The following CNTNAP5 variants were observed in gnomAD, a reference collection of about 807,000 sequenced individuals.
The protein encoded by CNTNAP5 is contactin associated protein family member 5.
A neutral mutation model predicts 150.2 loss-of-function variants in CNTNAP5; 72 were observed. That is an observed-to-expected ratio of 0.48 (90% CI 0.40 to 0.58). The LOEUF (loss-of-function observed/expected upper bound fraction) is 0.58. Ranked by LOEUF, CNTNAP5 falls within the 20% of genes least tolerant of loss-of-function variation. The probability of loss-of-function intolerance (pLI) is 0.00; values close to 1 mark genes in which losing one functional copy is unlikely to be tolerated. For missense variants in CNTNAP5, 1,636 were observed against 1,626.2 expected (o/e 1.01, Z -0.10); for synonymous variants, 672 against 619.8 (o/e 1.08, Z -1.25).
intron 11 of CNTNAP5, among the ~76,000 whole-genome samples, chr2:124,605,115 T>C (rs1262594681): frequency 6.6e-6 from 1 of 152,100 alleles, no homozygotes; most frequent in Non-Finnish European, 1.5e-5. Flanking sequence ...CCTGCTACAG[T>C]GTGAGAGGCC....
chr2:124,188,278 T>C (rs887059806), intron 1 of CNTNAP5, among the ~76,000 whole-genome samples: 1 of 152,240 alleles, frequency 6.6e-6, no homozygotes, highest in African/African-American at 2.4e-5. Flanking sequence ...ACAAGGTTTA[T>C]GAATCAGCTA....
intron 13 of CNTNAP5, 29 bp downstream of exon 13, chr2:124,647,987 G>A: frequency 6.4e-7 from 1 of 1,555,550 alleles, no homozygotes; most frequent in African/African-American, 1.4e-5. Flanking sequence ...TGACCACAGT[G>A]GGATAGATGG....
At chr2:124,849,761 G>A (rs1683118366) in intron 19 of CNTNAP5, among the ~76,000 whole-genome samples, 1 of 152,130 alleles carries the variant, frequency 6.6e-6, no homozygotes, top group Admixed American at 6.6e-5. Context: ...ATGGTTCCAG[G>A]ACAAGTTCTT....
intron 14 of CNTNAP5, among the ~76,000 whole-genome samples, chr2:124,749,471 C>T (rs2105147749): frequency 6.6e-6 from 1 of 151,976 alleles, no homozygotes; most frequent in African/African-American, 2.4e-5. Flanking sequence ...GTCGCCCAGG[C>T]TGGGGTGCAA....
chr2:124,244,610 T>A (rs1686972892), intron 3 of CNTNAP5, among the ~76,000 whole-genome samples: 1 of 152,154 alleles, frequency 6.6e-6, no homozygotes, highest in Non-Finnish European at 1.5e-5. Context: ...AGCAGCCTTT[T>A]ACTAAGTAAG....
intron 1 of CNTNAP5, among the ~76,000 whole-genome samples, chr2:124,089,159 C>T (rs546503376): frequency 2.6e-4 from 39 of 152,276 alleles, no homozygotes; most frequent in African/African-American, 9.1e-4. Context: ...CTACAATTTT[C>T]AGTCTTCATA....
At chr2:124,396,180 A>T (rs2104753551) in intron 3 of CNTNAP5, among the ~76,000 whole-genome samples, 1 of 152,338 alleles carries the variant, frequency 6.6e-6, no homozygotes, top group East Asian at 1.9e-4. Context: ...GCTTGATTCA[A>T]ACATTGTCAA....
At chr2:124,553,843 T>G (rs935728300) in intron 10 of CNTNAP5, among the ~76,000 whole-genome samples, 1 of 152,086 alleles carries the variant, frequency 6.6e-6, no homozygotes, top group African/African-American at 2.4e-5. Flanking sequence ...TGGAAGTGGC[T>G]CCCAGGGTCA....
chr2:124,643,223 G>T (rs957088624), intron 12 of CNTNAP5, among the ~76,000 whole-genome samples: 4 of 152,160 alleles, frequency 2.6e-5, no homozygotes, highest in African/African-American at 4.8e-5. Flanking sequence ...CTAAGTAAAA[G>T]AATTGATCTG....
Position 124,593,239 on chromosome 2 carries a change from C to A in CNTNAP5, c.1757-16562C>A, listed in dbSNP as rs958729174. Among the ~76,000 whole-genome samples the A allele has an allele frequency of 2.8e-5, 4 of 143,736 alleles. 1 individual carries two copies. In the South Asian group the frequency reaches 6.9e-4, roughly 25 times the overall value. The allele number at this position is 143,736 out of a possible 152,430, so 94.3% of individuals were successfully genotyped here. ...CATGCTGGTGCGCTGCACCCACTAACTCGTCATCTAGCATTAGGTATATCT... is the reference window on the plus strand; with the variant it reads ...CATGCTGGTGCGCTGCACCCACTAAATCGTCATCTAGCATTAGGTATATCT... On this transcript the variant is annotated intron_variant, in intron 11 of 23. Transcript: ENST00000682447.
chr2:124,539,650 G>T (rs1175445023), intron 10 of CNTNAP5, among the ~76,000 whole-genome samples: 1 of 152,118 alleles, frequency 6.6e-6, no homozygotes, highest in African/African-American at 2.4e-5. Context: ...CCTGCCTCTT[G>T]GAATTTTGGC....
chr2:124,196,147 A>G (rs139866876), intron 1 of CNTNAP5, among the ~76,000 whole-genome samples: 382 of 152,282 alleles, frequency 2.5e-3, no homozygotes, highest in Non-Finnish European at 4.4e-3. Flanking sequence ...CTACATGCAC[A>G]ATGGCTTAAA....
chr2:124,895,609 A>G lies in CNTNAP5; in HGVS notation c.3437-7273A>G, dbSNP rs558713675. Among the ~76,000 whole-genome samples the G allele has an allele frequency of 4.0e-5, 6 of 151,690 alleles. No homozygotes were observed. In the South Asian group the frequency reaches 1.2e-3, roughly 31 times the overall value. ...CATTTCACTTCAGCCTGGGTGACAG[A>G]GCAAGACCCTGTCTCAAAAAAATAG... On this transcript the variant is annotated intron_variant, in intron 21 of 23. Transcript: ENST00000682447.
At chr2:124,601,614 A>G (rs759909671) in intron 11 of CNTNAP5, among the ~76,000 whole-genome samples, 2 of 152,226 alleles carry the variant, frequency 1.3e-5, no homozygotes, top group Non-Finnish European at 2.9e-5. Context: ...AATATGATTA[A>G]TATTCTTAGA....
chr2:124,126,160 A>G (rs1422572915), intron 1 of CNTNAP5, among the ~76,000 whole-genome samples: 2 of 152,210 alleles, frequency 1.3e-5, no homozygotes, highest in African/African-American at 4.8e-5. Context: ...AAATTGATAG[A>G]CTGCTAGCAA....
chr2:124,713,315 TTTCCTTTC>T lies in CNTNAP5; in HGVS notation c.2078-33911_2078-33904del, dbSNP rs756697360. Among the ~76,000 whole-genome samples, 7 of 96,758 alleles carry T rather than the reference TTTCCTTTC, an allele frequency of 7.2e-5. No homozygotes were observed. The East Asian group carries it at 1.7e-3, about 23-fold the overall frequency. 63.5% of individuals were successfully genotyped at this position (96,758 alleles called of 152,430 possible). ...TTTCTTTCTTTCTTCTTTCTCTTTC[TTTCCTTTC>T]TTTCTTTCTTTCTTTCTTTCTTTCT... On this transcript the variant is annotated intron_variant, in intron 13 of 23. Coordinates refer to ENST00000682447, the MANE Select transcript of CNTNAP5 (RefSeq NM_001367498.1).
intron 12 of CNTNAP5, among the ~76,000 whole-genome samples, chr2:124,624,826 C>T (rs531161834): frequency 7.2e-5 from 11 of 152,272 alleles, no homozygotes; most frequent in Admixed American, 6.5e-5. Flanking sequence ...AAGAGCTGCC[C>T]TCTGAGCTGA....
At chr2:124,654,449 A>G (rs1678397109) in intron 13 of CNTNAP5, among the ~76,000 whole-genome samples, 1 of 152,128 alleles carries the variant, frequency 6.6e-6, no homozygotes, top group Non-Finnish European at 1.5e-5. Flanking sequence ...GAAGGAAGAA[A>G]CATGTCTTAT....
intron 8 of CNTNAP5, among the ~76,000 whole-genome samples, chr2:124,511,933 T>G (rs1694601581): frequency 6.6e-6 from 1 of 152,016 alleles, no homozygotes; most frequent in Non-Finnish European, 1.5e-5. Flanking sequence ...ATAGGGTTTT[T>G]TTTTTTTTTG....
Sources: gnomAD v4.1 joint callset for allele counts (sites outside exome capture counted in the v4.1 genomes callset) on GRCh38, gnomAD v4.1.1 for gene constraint, MANE v1.5 for transcripts, NCBI Gene and HGNC (gene_info 2026-07-23, HGNC 2026-07-21) for gene names.